The following UNC13A variants were observed in gnomAD, a reference collection of about 807,000 sequenced individuals.
UNC13A encodes protein unc-13 homolog A.
UNC13A carries 61 observed loss-of-function variants against 219.7 expected under a neutral mutation model. The observed-to-expected ratio is 0.28, with a 90% CI of 0.23 to 0.34. The LOEUF is 0.34. Ranked by LOEUF, UNC13A falls within the 10% of genes least tolerant of loss-of-function variation. The probability of loss-of-function intolerance (pLI) is 1.00; values close to 1 mark genes in which losing one functional copy is unlikely to be tolerated. For missense variants in UNC13A, 1,476 were observed against 2,270.3 expected (o/e 0.65, Z 7.11); for synonymous variants, 920 against 884.6 (o/e 1.04, Z -0.71).
intron 29 of UNC13A, 127 bp downstream of exon 29, chr19:17,630,527 A>G (rs2076831811): frequency 1.2e-5 from 15 of 1,217,902 alleles, no homozygotes; most frequent in Non-Finnish European, 1.8e-5. Flanking sequence ...AAAAGATTTT[A>G]AAAACCATGA....
intron 15 of UNC13A, 74 bp from the exon 16 acceptor site, chr19:17,648,724 A>G (rs2079289687): frequency 6.4e-7 from 1 of 1,561,124 alleles, no homozygotes; most frequent in African/African-American, 1.4e-5. Context: ...ATTCCGCCCC[A>G]TCACTGAGCG....
intron 28 of UNC13A, among the ~76,000 whole-genome samples, chr19:17,631,656 T>C (rs1002525174): frequency 2.6e-5 from 4 of 152,202 alleles, no homozygotes; most frequent in Admixed American, 6.5e-5. Flanking sequence ...AGGAATCAGA[T>C]GTCCCGAGTT....
intron 9 of UNC13A, among the ~76,000 whole-genome samples, chr19:17,657,081 G>C (rs932419888): frequency 2.0e-5 from 3 of 152,002 alleles, no homozygotes; most frequent in African/African-American, 4.8e-5. Context: ...TGTCTCCACA[G>C]TTCCTGCTTC....
intron 28 of UNC13A, among the ~76,000 whole-genome samples, chr19:17,631,136 TTC>T (rs2076842306): frequency 8.1e-6 from 1 of 123,398 alleles, no homozygotes; most frequent in African/African-American, 3.0e-5. Flanking sequence ...AGTGGGTTTA[TTC>T]TCTGAGCTCT....
At chr19:17,677,711 T>G (rs1008917805) in intron 1 of UNC13A, among the ~76,000 whole-genome samples, 1 of 152,082 alleles carries the variant, frequency 6.6e-6, no homozygotes, top group African/African-American at 2.4e-5. Flanking sequence ...CCTTTTCAAA[T>G]TAGTGTCTTT....
rs1247978424 is a variant in UNC13A at position 17,639,730 on chromosome 19, A to G, written c.2856+110T>C. ...AGGTGCACACATGCTGGAGGAACAC[A>G]TCGTACATGCGAAGATGGGTCCTCC... On this transcript the variant is annotated intron_variant, in intron 23 of 43. Transcript: ENST00000519716. 3.8e-6 allele frequency: 5 copies of G among 1,316,226 alleles called. No homozygotes were observed. In the Admixed American group the frequency reaches 7.2e-5, roughly 19 times the overall value. The allele number at this position is 1,316,226 out of a possible 1,614,324, so 81.5% of individuals were successfully genotyped here.
intron 17 of UNC13A, among the ~76,000 whole-genome samples, chr19:17,646,470 G>A (rs1244447066): frequency 2.6e-5 from 4 of 151,908 alleles, no homozygotes; most frequent in Admixed American, 6.6e-5. Flanking sequence ...TGGCCAGGTC[G>A]GTCTCGAATT....
chr19:17,672,570 C>A (rs1012345132), intron 3 of UNC13A, 75 bp from the exon 4 acceptor site: 4 of 1,140,976 alleles, frequency 3.5e-6, no homozygotes, highest in Non-Finnish European at 3.8e-6. Flanking sequence ...AGTTGATTCG[C>A]CTGAGAACAC....
At position 17,609,956 on chromosome 19, in the gene UNC13A, T is replaced by C; in HGVS notation, c.4795A>G (p.Asn1599Asp). ...SKNNSWAPKY[N>D]ESFQFTLSAD... is the part of the protein sequence containing the mutation. ...CAAACTCACAACTGGAAGCTCTCAT[T>C]GTACTTGGGAGCCCAGCTATTGTTC... Residue 1599 changes from asparagine (N) to aspartate (D), a missense_variant, in exon 43 of 44, where the codon AAT becomes GAT. Transcript: ENST00000519716. 6.2e-7 allele frequency: 1 copy of C among 1,613,760 alleles called. No homozygotes were observed. Among genetic ancestry groups the C allele is most frequent in the Non-Finnish European group, 8.5e-7 (1 of 1,179,876 alleles).
intron 41 of UNC13A, among the ~76,000 whole-genome samples, 177 bp downstream of exon 41, chr19:17,617,525 A>C (rs2076679283): frequency 6.6e-6 from 1 of 152,132 alleles, no homozygotes; most frequent in African/African-American, 2.4e-5. Flanking sequence ...CTGTGACGTC[A>C]GAGGCCCCGC....
intron 24 of UNC13A, 104 bp from the exon 25 acceptor site, chr19:17,639,321 G>T: frequency 6.3e-7 from 1 of 1,577,606 alleles, no homozygotes; most frequent in Non-Finnish European, 8.6e-7. Flanking sequence ...TGGTATGAAA[G>T]GAAAAGGTTA....
chr19:17,619,482 C>A (rs1481520438), intron 38 of UNC13A, among the ~76,000 whole-genome samples: 1 of 149,554 alleles, frequency 6.7e-6, no homozygotes, highest in Non-Finnish European at 1.5e-5. Flanking sequence ...GTTGCCCAGG[C>A]TGGAGTGCAG....
chr19:17,632,366 G>A (rs557392602), intron 28 of UNC13A, among the ~76,000 whole-genome samples: 1 of 152,206 alleles, frequency 6.6e-6, no homozygotes, highest in South Asian at 2.1e-4. Flanking sequence ...TTTAGAGATG[G>A]GATCTGACTA....
chr19:17,627,806 GAC>G lies in UNC13A; in HGVS notation c.3831+55_3831+56del, dbSNP rs1045288307. The G allele has an allele frequency of 3.9e-6, 6 of 1,533,620 alleles. No individual in the cohort carries two copies. Among genetic ancestry groups the G allele is most frequent in the Non-Finnish European group, 3.5e-6 (4 of 1,126,864 alleles). On this transcript the variant is annotated intron_variant, in intron 32 of 43. Transcript: ENST00000519716. This position sits in a 1 kb window ranked among gnomAD's most constrained non-coding sequence, Gnocchi z 4.7. ...GCATATGAGCTCAGGGGCCTGCAGG[GAC>G]ACAGTGGTGGGGGTGCCCCATCCCT...
At chr19:17,647,883 A>C in intron 16 of UNC13A, among the ~76,000 whole-genome samples, 1 of 128,938 alleles carries the variant, frequency 7.8e-6, no homozygotes. Flanking sequence ...TGCCTCTCTG[A>C]GCCCCACTCC....
intron 1 of UNC13A, among the ~76,000 whole-genome samples, chr19:17,681,748 G>A (rs923338100): frequency 3.3e-5 from 5 of 152,094 alleles, no homozygotes; most frequent in Admixed American, 1.3e-4. Flanking sequence ...CCAGAGGCGC[G>A]GGCAGGCGCT....
intron 28 of UNC13A, among the ~76,000 whole-genome samples, chr19:17,631,906 G>C (rs1296532300): frequency 6.6e-6 from 1 of 151,986 alleles, no homozygotes; most frequent in Non-Finnish European, 1.5e-5. Flanking sequence ...CATCACACCC[G>C]GATAATTTTT....
intron 1 of UNC13A, among the ~76,000 whole-genome samples, chr19:17,683,019 T>C (rs899431292): frequency 6.6e-6 from 1 of 151,924 alleles, no homozygotes; most frequent in African/African-American, 2.4e-5. Context: ...GAACTGAAAT[T>C]GTGCCACTGC....
At chr19:17,611,614 C>CCA in intron 42 of UNC13A, 149 bp downstream of exon 42, 1 of 630,338 alleles carries the variant, frequency 1.6e-6, no homozygotes, top group Non-Finnish European at 2.9e-6. Flanking sequence ...ACTGCTGGAT[C>CCA]CAGCCATGCC....
Sources: allele counts gnomAD v4.1 joint callset (sites outside exome capture counted in the v4.1 genomes callset), GRCh38; gene constraint gnomAD v4.1.1; non-coding constraint Gnocchi (gnomAD v3.1); transcripts MANE v1.5; gene names NCBI Gene and HGNC (gene_info 2026-07-23, HGNC 2026-07-21).